The following LRRC41 variants were observed in gnomAD, a reference collection of about 807,000 sequenced individuals.
LRRC41 encodes leucine-rich repeat-containing protein 41.
LRRC41 carries 17 observed loss-of-function variants against 72.1 expected under a neutral mutation model. The ratio of observed to expected loss-of-function variants is 0.24; its 90% CI spans 0.16 to 0.35. The LOEUF (loss-of-function observed/expected upper bound fraction) is 0.35. Ranked by LOEUF, LRRC41 falls within the 10% of genes least tolerant of loss-of-function variation. The pLI, the probability that LRRC41 is intolerant of heterozygous loss-of-function variation, is 1.00. For missense variants in LRRC41, 759 were observed against 1,065.0 expected, an observed-to-expected ratio of 0.71 and a Z score of 4.00; for synonymous variants, 427 against 431.0, an observed-to-expected ratio of 0.99 and a Z score of 0.11.
rs1029259346 is a variant in LRRC41 at position 46,279,400 on chromosome 1, C to G, written c.2143+92G>C. ...ATATCTGTATTCCAACTCCCACGTT[C>G]CCAGTGGAGAGGTCTTTGCCTTTAT... is the stretch of plus-strand genomic sequence containing the variant. On this transcript the variant is annotated intron_variant, in intron 8 of 9. Coordinates refer to ENST00000617190, the MANE Select transcript of LRRC41 (RefSeq NM_006369.5). The surrounding 1 kb of genome is among the most constrained non-coding windows in gnomAD (Gnocchi z 4.5). The G allele has an allele frequency of 1.3e-6, 2 of 1,594,444 alleles. No individual in the cohort carries two copies. The highest frequency in any genetic ancestry group is 1.7e-6 in the Non-Finnish European group (2 of 1,162,468).
intron 3 of LRRC41, among the ~76,000 whole-genome samples, chr1:46,293,639 G>A (rs968658073): frequency 6.6e-6 from 1 of 152,024 alleles, no homozygotes; most frequent in Admixed American, 6.6e-5. Flanking sequence ...GAGCGATCTA[G>A]TCTTACTGCA....
At chr1:46,288,707 C>G (rs1660936375) in intron 3 of LRRC41, among the ~76,000 whole-genome samples, 1 of 152,214 alleles carries the variant, frequency 6.6e-6, no homozygotes. Context: ...TAGCTATTTC[C>G]CCAGACTCCA....
In LRRC41 at chr1:46,286,090, G is replaced by A. The variant is rs780035132; in HGVS notation, c.767C>T (p.Pro256Leu). The A allele has an allele frequency of 7.4e-6, 12 of 1,611,804 alleles. No homozygotes were observed. Among genetic ancestry groups the A allele is most frequent in the Non-Finnish European group, 9.3e-6 (11 of 1,178,124 alleles). Residue 256 changes from proline to leucine, a missense_variant, in exon 4 of 10, where the codon CCA (proline) becomes CTA (leucine). Coordinates refer to ENST00000617190, the MANE Select transcript of LRRC41 (RefSeq NM_006369.5). The surrounding 1 kb of genome is among the most constrained non-coding windows in gnomAD (Gnocchi z 5.5). The part of the protein sequence containing the change: ...ILTMSAGFWQ[P>L]GPGGPPCRLC... Reference sequence around the variant, plus strand: ...GCGGCAGGGTGGGCCACCAGGCCCTGGTTGCCAGAAGCCAGCACTCATGGT... The same window carrying A: ...GCGGCAGGGTGGGCCACCAGGCCCTAGTTGCCAGAAGCCAGCACTCATGGT...
chr1:46,292,545 AAAC>A (rs1661040760), intron 3 of LRRC41, among the ~76,000 whole-genome samples: 1 of 152,242 alleles, frequency 6.6e-6, no homozygotes. Flanking sequence ...AACCAAATCA[AAAC>A]AAGACTTTAC....
In LRRC41 at chr1:46,278,217, G is replaced by C. The variant is rs1157169769; in HGVS notation, c.*648C>G. 6.2e-7 allele frequency: 1 copy of C among 1,613,970 alleles called. No individual in the cohort carries two copies. ...GGTACTCCAGGCTGCCTGGGATGCT[G>C]CCTCCACTGCCATCACCTTCGTCTT... On this transcript the variant is annotated 3_prime_UTR_variant, in exon 10 of 10. Coordinates refer to ENST00000617190, the MANE Select transcript of LRRC41 (RefSeq NM_006369.5).
At chr1:46,293,572 T>C (rs1345084721) in intron 3 of LRRC41, among the ~76,000 whole-genome samples, 3 of 152,154 alleles carry the variant, frequency 2.0e-5, no homozygotes, top group Non-Finnish European at 2.9e-5. Flanking sequence ...TTTTTGTTTA[T>C]TGGTTTTATT....
At position 46,286,875 on chromosome 1, in the gene LRRC41, G is replaced by A. The variant is rs555114142; in HGVS notation, c.358-376C>T. On this transcript the variant is annotated intron_variant, in intron 3 of 9. Coordinates refer to ENST00000617190, the MANE Select transcript of LRRC41 (RefSeq NM_006369.5). The surrounding 1 kb of genome is among the most constrained non-coding windows in gnomAD (Gnocchi z 5.5). ...ACTTTGTAGCCTAGGCTGGAGTGCA[G>A]TGGTGTGATCTCAGCTCACTGCAAC... 1.3e-5 allele frequency among the ~76,000 whole-genome samples: 2 copies of A among 152,206 alleles called. No individual in the cohort carries two copies. The highest frequency in any genetic ancestry group is 2.1e-4 in the South Asian group (1 of 4,814).
At position 46,285,369 on chromosome 1, in the gene LRRC41, G is replaced by A; in HGVS notation, c.1488C>T (p.Ser496=). The change falls in exon 4 of 10, where the codon TCC becomes TCT. Residue 496 remains serine (S), a synonymous_variant. Transcript: ENST00000617190. The surrounding 1 kb of genome is among the most constrained non-coding windows in gnomAD (Gnocchi z 5.3). ...SWVSLESLTL[S]YNGLGSNIFR... ...CCACTCCAGGGTGCTCACCATTGTA[G>A]GAGAGTGTGAGGCTCTCCAGTGACA... The A allele has an allele frequency of 6.2e-7, 1 of 1,614,140 alleles. No individual in the cohort carries two copies. Among genetic ancestry groups the A allele is most frequent in the Non-Finnish European group, 8.5e-7 (1 of 1,180,004 alleles).
intron 1 of LRRC41, 25 bp from the exon 2 acceptor site, chr1:46,298,395 A>C: frequency 2.0e-6 from 3 of 1,494,030 alleles, no homozygotes; most frequent in Non-Finnish European, 2.8e-6. Flanking sequence ...ACAAAAGTTT[A>C]CTTTTCCTCC....
intron 4 of LRRC41, among the ~76,000 whole-genome samples, chr1:46,283,405 G>A (rs1450224317): frequency 6.6e-6 from 1 of 152,176 alleles, no homozygotes; most frequent in Admixed American, 6.5e-5. Context: ...GATCACTTGA[G>A]GCCAAGAGTT....
intron 3 of LRRC41, among the ~76,000 whole-genome samples, chr1:46,295,432 AT>A (rs1476345769): frequency 6.6e-6 from 1 of 152,236 alleles, no homozygotes; most frequent in Non-Finnish European, 1.5e-5. Context: ...TTCTATATTT[AT>A]CTTGTTCACC....
intron 5 of LRRC41, 128 bp from the exon 6 acceptor site, chr1:46,280,688 C>T: frequency 3.4e-6 from 3 of 893,230 alleles, no homozygotes; most frequent in Non-Finnish European, 5.1e-6. Flanking sequence ...TGAGTGCCTA[C>T]CATATGTCAG....
chr1:46,298,555 G>C (rs1421894544), intron 1 of LRRC41, 185 bp from the exon 2 acceptor site: 3 of 466,004 alleles, frequency 6.4e-6, no homozygotes, highest in Non-Finnish European at 1.1e-5. Context: ...CAGCCACTCA[G>C]TTGGAAGCTG....
intron 3 of LRRC41, among the ~76,000 whole-genome samples, chr1:46,292,036 G>A (rs1005317972): frequency 6.6e-6 from 1 of 151,738 alleles, no homozygotes; most frequent in Non-Finnish European, 1.5e-5. Context: ...ATTGCAGGCC[G>A]GCCACAGTGG....
chr1:46,298,294 G>A lies in LRRC41; in HGVS notation c.276C>T (p.Ala92=), dbSNP rs749738674. 1.2e-6 allele frequency: 2 copies of A among 1,605,872 alleles called. No homozygotes were observed. Among genetic ancestry groups the A allele is most frequent in the Non-Finnish European group, 8.5e-7 (1 of 1,173,870 alleles). ...IYYLERIEET[A]LKKGLSTQAI... ...CAGAAAGATACTCACCTTTCTTGAG[G>A]GCAGTTTCCTCAATCCTCTCCAAGT... The change falls in exon 2 of 10, where the codon GCC becomes GCT. Residue 92 remains alanine, a synonymous_variant. Transcript: ENST00000617190.
At position 46,278,424 on chromosome 1, in the gene LRRC41, A is replaced by T. The variant is rs531349598; in HGVS notation, c.*441T>A. 239 of 1,027,100 alleles carry T rather than the reference A, an allele frequency of 2.3e-4. 1 individual carries two copies. Among genetic ancestry groups the T allele is most frequent in the Middle Eastern group, 9.3e-4 (3 of 3,214 alleles). 63.6% of individuals were successfully genotyped at this position (1,027,100 alleles called of 1,614,324 possible). ...ATGATGTTTGCCCAAAATTTATTTT[A>T]TAAGAAAAACTTTTTTGGTTAAAAA... On this transcript the variant is annotated 3_prime_UTR_variant, in exon 10 of 10. Coordinates refer to ENST00000617190, the MANE Select transcript of LRRC41 (RefSeq NM_006369.5).
At chr1:46,299,169 G>C (rs553519729) in intron 1 of LRRC41, 2 of 152,280 alleles carry the variant, frequency 1.3e-5, no homozygotes, top group African/African-American at 4.8e-5. Context: ...CTCTAGAGTA[G>C]GACAAATCTG....
In LRRC41 at chr1:46,285,733, T is replaced by A. The variant is rs1313079851; in HGVS notation, c.1124A>T (p.Lys375Ile). The A allele has an allele frequency of 6.2e-7, 1 of 1,607,036 alleles. No homozygotes were observed. The highest frequency in any genetic ancestry group is 2.2e-5 in the East Asian group (1 of 44,782). ...SSASSSTSSY[K>I]RAPASSAPQP... ...TGGGGCTGAGCTAGCTGGTGCCCGT[T>A]TGTATGAGGATGTAGAAGAAGAGGC... The change falls in exon 4 of 10, where the codon AAA becomes ATA. Residue 375 changes from lysine to isoleucine, a missense_variant. Physicochemically the swap from Lys to Ile is moderately radical, Grantham distance 102. Around this residue, in one of 4 missense-constraint regions of LRRC41, gnomAD observed 427 missense variants for 520.9 expected, o/e 0.82. Coordinates refer to ENST00000617190, the MANE Select transcript of LRRC41 (RefSeq NM_006369.5). This position sits in a 1 kb window ranked among gnomAD's most constrained non-coding sequence, Gnocchi z 5.3.
In LRRC41 at chr1:46,278,047, C is replaced by T; in HGVS notation, c.*818G>A. On this transcript the variant is annotated 3_prime_UTR_variant, in exon 10 of 10. Coordinates refer to ENST00000617190, the MANE Select transcript of LRRC41 (RefSeq NM_006369.5). ...AGTAGGGAGATGGGATCTGTAGTGA[C>T]TTCAGCTGTGCCTTCTGTCCCTAGG... 6.2e-7 allele frequency: 1 copy of T among 1,614,118 alleles called. No individual in the cohort carries two copies. The highest frequency in any genetic ancestry group is 2.2e-5 in the East Asian group (1 of 44,886).
Sources: allele counts gnomAD v4.1 joint callset (sites outside exome capture counted in the v4.1 genomes callset), GRCh38; gene constraint gnomAD v4.1.1; regional missense constraint gnomAD v4.1.1; non-coding constraint Gnocchi (gnomAD v3.1); transcripts MANE v1.5; gene names NCBI Gene and HGNC (gene_info 2026-07-23, HGNC 2026-07-21).